The following SUGCT variants were observed in gnomAD, a reference collection of about 807,000 sequenced individuals.
SUGCT encodes succinyl-CoA:glutarate-CoA transferase, also known as succinyl-CoA:glutarate CoA-transferase.
In SUGCT, 41 loss-of-function variants were observed where a neutral mutation model predicts 55.0. The ratio of observed to expected loss-of-function variants is 0.74; its 90% CI spans 0.58 to 0.97. The LOEUF is 0.97. Among genes scored for constraint, SUGCT ranks in the 50% least tolerant of loss-of-function variants. The pLI, the probability that SUGCT is intolerant of heterozygous loss-of-function variation, is 0.00. For missense variants in SUGCT, 568 were observed against 547.8 expected, an observed-to-expected ratio of 1.04 and a Z score of -0.37; for synonymous variants, 187 against 200.4, an observed-to-expected ratio of 0.93 and a Z score of 0.56.
intron 9 of SUGCT, among the ~76,000 whole-genome samples, chr7:40,439,417 C>T (rs1056298320): frequency 2.0e-5 from 3 of 151,846 alleles, no homozygotes; most frequent in African/African-American, 7.3e-5. Context: ...GCTCATTGCT[C>T]AGTAACATTC....
intron 8 of SUGCT, among the ~76,000 whole-genome samples, chr7:40,289,691 A>G (rs1793603888): frequency 6.6e-6 from 1 of 152,196 alleles, no homozygotes; most frequent in South Asian, 2.1e-4. Context: ...AGGGTATTCA[A>G]TTAAGAAAAG....
intron 7 of SUGCT, among the ~76,000 whole-genome samples, chr7:40,256,953 G>A (rs1371263209): frequency 3.3e-5 from 5 of 151,906 alleles, no homozygotes; most frequent in African/African-American, 7.3e-5. Flanking sequence ...CATCTTGGCC[G>A]GGCTGGTCTC....
intron 9 of SUGCT, among the ~76,000 whole-genome samples, chr7:40,385,919 T>C (rs1785099529): frequency 6.6e-6 from 1 of 152,190 alleles, no homozygotes; most frequent in Non-Finnish European, 1.5e-5. Context: ...GTAACAATTG[T>C]TAGGGGGGAT....
chr7:40,275,587 T>C (rs1792413370), intron 8 of SUGCT, among the ~76,000 whole-genome samples: 1 of 152,208 alleles, frequency 6.6e-6, no homozygotes, highest in South Asian at 2.1e-4. Context: ...TAATATTTAT[T>C]CGTGATCAAG....
At chr7:40,872,302 A>T in the SUGCT span, among the ~76,000 whole-genome samples, 3 of 152,184 alleles carry the variant, frequency 2.0e-5, no homozygotes, top group Non-Finnish European at 2.9e-5. Context: ...TGATCCACAG[A>T]TAAAACTTAC....
At chr7:40,542,294 T>A (rs773769185) in intron 12 of SUGCT, among the ~76,000 whole-genome samples, 1 of 152,104 alleles carries the variant, frequency 6.6e-6, no homozygotes, top group Non-Finnish European at 1.5e-5. Flanking sequence ...AAACCATGTC[T>A]CAAAGAGGTA....
chr7:40,963,485 C>A, the SUGCT span, among the ~76,000 whole-genome samples: 1 of 152,136 alleles, frequency 6.6e-6, no homozygotes, highest in Non-Finnish European at 1.5e-5. Context: ...ACATCTGTAA[C>A]CTGAATAGCA....
At chr7:40,825,186 T>C (rs1225251449) in intron 13 of SUGCT, among the ~76,000 whole-genome samples, 2 of 152,350 alleles carry the variant, frequency 1.3e-5, no homozygotes, top group Admixed American at 6.5e-5. Context: ...TTCAGACTCA[T>C]AGCCCAAAAT....
intron 13 of SUGCT, among the ~76,000 whole-genome samples, chr7:40,824,607 G>A (rs564462493): frequency 6.6e-6 from 1 of 152,202 alleles, no homozygotes; most frequent in Non-Finnish European, 1.5e-5. Context: ...GCTTCTTCCT[G>A]TGTCTTTGTT....
intron 11 of SUGCT, among the ~76,000 whole-genome samples, chr7:40,471,446 C>T (rs1304380594): frequency 1.3e-5 from 2 of 151,836 alleles, no homozygotes; most frequent in South Asian, 2.1e-4. Flanking sequence ...CTATATAATT[C>T]AAAATGTAAT....
rs1786045542 is a variant in SUGCT, at chr7:40,193,396, T to G, written c.364-1544T>G. 2.0e-5 allele frequency among the ~76,000 whole-genome samples: 3 copies of G among 147,830 alleles called. No individual in the cohort carries two copies. The South Asian group carries it at 6.8e-4, about 34-fold the overall frequency. On this transcript the variant is annotated intron_variant, in intron 5 of 13. Transcript: ENST00000335693. ...ACCTCCTGGGTTCAAGTGATTCTCC[T>G]GCCTCAGCCTCCTGAGTAGCTGAGA...
intron 1 of SUGCT, among the ~76,000 whole-genome samples, chr7:40,155,700 T>C (rs1043705396): frequency 6.6e-6 from 1 of 152,148 alleles, no homozygotes; most frequent in Admixed American, 6.5e-5. Flanking sequence ...TGGTTATTAT[T>C]GTTAATAATT....
chr7:40,392,786 A>C (rs1268873166), intron 9 of SUGCT, among the ~76,000 whole-genome samples: 1 of 152,222 alleles, frequency 6.6e-6, no homozygotes, highest in Non-Finnish European at 1.5e-5. Context: ...CTTTGGATTA[A>C]GTCAGTGGTA....
chr7:40,745,646 G>A (rs1787697791), intron 12 of SUGCT, among the ~76,000 whole-genome samples: 1 of 152,106 alleles, frequency 6.6e-6, no homozygotes. Flanking sequence ...ATTTCAAGGA[G>A]AAGAAATGGA....
chr7:40,818,210 C>A (rs938933062), intron 13 of SUGCT, among the ~76,000 whole-genome samples: 1 of 152,220 alleles, frequency 6.6e-6, no homozygotes, highest in Admixed American at 6.5e-5. Context: ...TGTCTACAGG[C>A]AGTCTGCCAT....
intron 12 of SUGCT, among the ~76,000 whole-genome samples, chr7:40,740,907 G>A (rs536056179): frequency 2.0e-4 from 30 of 152,178 alleles, no homozygotes; most frequent in African/African-American, 6.5e-4. Flanking sequence ...CAAAATAAAT[G>A]AGAAATAAAG....
At chr7:40,622,260 A>T (rs1413027600) in intron 12 of SUGCT, among the ~76,000 whole-genome samples, 1 of 152,176 alleles carries the variant, frequency 6.6e-6, no homozygotes, top group Non-Finnish European at 1.5e-5. Context: ...TGATCATTCA[A>T]ACTTCTTACA....
At chr7:40,965,241 T>C in the SUGCT span, 1 of 152,214 alleles carries the variant, frequency 6.6e-6, no homozygotes, top group African/African-American at 2.4e-5. Context: ...TTTCTTCTCA[T>C]CTAATAATAA....
the SUGCT span, among the ~76,000 whole-genome samples, chr7:40,897,624 C>T: frequency 1.1e-4 from 17 of 152,212 alleles, no homozygotes; most frequent in East Asian, 3.9e-4. Flanking sequence ...ATTGTGTGGC[C>T]GTTGCAGTGG....
Sources: gnomAD v4.1 joint callset for allele counts (sites outside exome capture counted in the v4.1 genomes callset) on GRCh38, gnomAD v4.1.1 for gene constraint, MANE v1.5 for transcripts, NCBI Gene and HGNC (gene_info 2026-07-23, HGNC 2026-07-21) for gene names.